The following NALF1 variants were observed in gnomAD, a reference collection of about 807,000 sequenced individuals.
The protein encoded by NALF1 is NALCN channel auxiliary factor 1.
Under a neutral mutation model 48.4 loss-of-function variants are expected in NALF1, and 3 were observed. That is an observed-to-expected ratio of 0.06 (90% CI 0.03 to 0.16). The LOEUF is 0.16. NALF1 is among the 10% of genes least tolerant of loss of function. The pLI is 1.00. For synonymous variants in NALF1, 262 were observed against 245.7 expected, an observed-to-expected ratio of 1.07 and a Z score of -0.62; for missense variants, 526 against 571.5, an observed-to-expected ratio of 0.92 and a Z score of 0.81.
chr13:107,740,018 T>C (rs553762674), intron 1 of NALF1, among the ~76,000 whole-genome samples: 1 of 152,244 alleles, frequency 6.6e-6, no homozygotes, highest in East Asian at 1.9e-4. Context: ...ATCCATATTA[T>C]GGTGTAATAA....
intron 1 of NALF1, 92 bp downstream of exon 1, chr13:107,865,590 C>A: frequency 6.7e-7 from 1 of 1,502,548 alleles, no homozygotes; most frequent in Non-Finnish European, 8.9e-7. Context: ...AAAACCATAG[C>A]CAAAAAATAA....
chr13:107,227,711 G>C (rs2138821592), intron 1 of NALF1, among the ~76,000 whole-genome samples: 2 of 152,314 alleles, frequency 1.3e-5, no homozygotes, highest in South Asian at 4.1e-4. Context: ...CATACCTGAA[G>C]AGGTAAGAGT....
At chr13:107,771,122 G>A (rs76759733) in intron 1 of NALF1, among the ~76,000 whole-genome samples, 6,029 of 152,168 alleles carry the variant, frequency 0.04, 146 homozygotes, top group African/African-American at 0.066. Context: ...TTTGCATTAT[G>A]TTAAGGACTA....
At chr13:107,173,002 C>T (rs1408054102) in intron 2 of NALF1, among the ~76,000 whole-genome samples, 2 of 152,042 alleles carry the variant, frequency 1.3e-5, no homozygotes, top group Non-Finnish European at 2.9e-5. Flanking sequence ...CAAGTTTTTA[C>T]TCAAATTTAT....
At chr13:107,683,820 T>G (rs1012260607) in intron 1 of NALF1, among the ~76,000 whole-genome samples, 1 of 146,310 alleles carries the variant, frequency 6.8e-6, no homozygotes, top group Admixed American at 7.0e-5. Context: ...TTTTGTCCTC[T>G]GTCGCTGGAC....
chr13:107,655,705 G>A (rs1228626429), intron 1 of NALF1, among the ~76,000 whole-genome samples: 3 of 151,436 alleles, frequency 2.0e-5, no homozygotes, highest in Non-Finnish European at 4.4e-5. Flanking sequence ...CATAACCAAA[G>A]CAAGACTAAG....
intron 1 of NALF1, among the ~76,000 whole-genome samples, chr13:107,475,200 C>T (rs989887826): frequency 3.9e-5 from 6 of 152,166 alleles, no homozygotes; most frequent in Non-Finnish European, 5.9e-5. Flanking sequence ...TATTTGAACT[C>T]GGCTATCATT....
chr13:107,601,177 G>C (rs1004868553), intron 1 of NALF1, among the ~76,000 whole-genome samples: 1 of 152,074 alleles, frequency 6.6e-6, no homozygotes, highest in Admixed American at 6.5e-5. Context: ...AATGCTCCCC[G>C]ACCTCAGATT....
At chr13:107,375,074 AAAG>A (rs779878529) in intron 1 of NALF1, among the ~76,000 whole-genome samples, 6 of 152,224 alleles carry the variant, frequency 3.9e-5, no homozygotes, top group Non-Finnish European at 8.8e-5. Flanking sequence ...TTTTATAGAA[AAAG>A]AAGTATTACA....
At chr13:107,488,269 T>C (rs2139066864) in intron 1 of NALF1, among the ~76,000 whole-genome samples, 1 of 152,124 alleles carries the variant, frequency 6.6e-6, no homozygotes, top group South Asian at 2.1e-4. Flanking sequence ...TGTCTCTATC[T>C]CCTTCAGTTC....
At chr13:107,827,840 A>T (rs935374521) in intron 1 of NALF1, among the ~76,000 whole-genome samples, 5 of 152,230 alleles carry the variant, frequency 3.3e-5, no homozygotes, top group African/African-American at 1.2e-4. Flanking sequence ...TACTGGTTAC[A>T]ATTTTAAGAA....
intron 1 of NALF1, among the ~76,000 whole-genome samples, chr13:107,424,008 A>C (rs1430259901): frequency 6.6e-6 from 1 of 152,134 alleles, no homozygotes; most frequent in Non-Finnish European, 1.5e-5. Context: ...TTTAGCATCC[A>C]TTGATGGGAA....
rs146608698 is a variant in NALF1, at chr13:107,599,565, C to T, written c.915+266117G>A. On this transcript the variant is annotated intron_variant, in intron 1 of 2. Coordinates refer to ENST00000375915, the MANE Select transcript of NALF1 (RefSeq NM_001080396.3). ...ATTTTTCTACATTTCAGCCAATATT[C>T]GTTATTGCTAGATTTTTTAATTTTT... 9.2e-5 allele frequency among the ~76,000 whole-genome samples: 14 copies of T among 152,256 alleles called. No homozygotes were observed. In the East Asian group the frequency reaches 1.7e-3, roughly 19 times the overall value.
intron 1 of NALF1, among the ~76,000 whole-genome samples, chr13:107,657,148 T>G (rs1473301153): frequency 6.6e-6 from 1 of 151,024 alleles, no homozygotes; most frequent in African/African-American, 2.4e-5. Context: ...AAACAATACC[T>G]GTTCGCCAAA....
At chr13:107,443,153 T>G (rs1221330144) in intron 1 of NALF1, among the ~76,000 whole-genome samples, 13 of 150,560 alleles carry the variant, frequency 8.6e-5, no homozygotes, top group Non-Finnish European at 1.8e-4. Flanking sequence ...ATAAATTTAT[T>G]ATTTATTTAT....
intron 1 of NALF1, among the ~76,000 whole-genome samples, chr13:107,694,815 CAG>C (rs1370797602): frequency 2.7e-5 from 4 of 148,720 alleles, no homozygotes; most frequent in Non-Finnish European, 5.9e-5. Flanking sequence ...TTTTTTGAGA[CAG>C]AGTCTTGCTG....
intron 1 of NALF1, among the ~76,000 whole-genome samples, chr13:107,395,450 C>T (rs543202743): frequency 4.1e-4 from 62 of 152,092 alleles, no homozygotes; most frequent in Non-Finnish European, 7.1e-4. Context: ...CCCAGGAAGA[C>T]GCAGTCAAAT....
At chr13:107,696,354 G>T (rs1007131891) in intron 1 of NALF1, among the ~76,000 whole-genome samples, 1 of 152,140 alleles carries the variant, frequency 6.6e-6, no homozygotes, top group Non-Finnish European at 1.5e-5. Flanking sequence ...AATCATAGTG[G>T]ACATCCATTT....
intron 1 of NALF1, among the ~76,000 whole-genome samples, chr13:107,526,063 T>C (rs1285524171): frequency 6.6e-6 from 1 of 152,152 alleles, no homozygotes; most frequent in Non-Finnish European, 1.5e-5. Context: ...ACAAGTTATT[T>C]GCCAGATATA....
Sources: gnomAD v4.1 joint callset for allele counts (sites outside exome capture counted in the v4.1 genomes callset) on GRCh38, gnomAD v4.1.1 for gene constraint, MANE v1.5 for transcripts, NCBI Gene and HGNC (gene_info 2026-07-23, HGNC 2026-07-21) for gene names.